Variants in RAB5B observed in about 807,000 individuals in gnomAD.
RAB5B encodes ras-related protein Rab-5B.
A neutral mutation model predicts 28.6 loss-of-function variants in RAB5B; 11 were observed. The observed-to-expected ratio is 0.38, with a 90% CI of 0.24 to 0.64. RAB5B has a LOEUF of 0.64. RAB5B is among the 30% of genes least tolerant of loss of function. The pLI, the probability that RAB5B is intolerant of heterozygous loss-of-function variation, is 0.53. For synonymous variants in RAB5B, 93 were observed against 97.9 expected, an observed-to-expected ratio of 0.95 and a Z score of 0.29; for missense variants, 169 against 265.6, an observed-to-expected ratio of 0.64 and a Z score of 2.53.
Position 55,986,892 on chromosome 12 carries a change from C to CT in RAB5B, c.-68dup. 2.6e-5 allele frequency: 14 copies of CT among 546,280 alleles called. No homozygotes were observed. Among genetic ancestry groups the CT allele is most frequent in the South Asian group, 6.3e-5 (4 of 63,322 alleles). The allele number at this position is 546,280 out of a possible 1,614,324, so 33.8% of individuals were successfully genotyped here. On this transcript the variant is annotated 5_prime_UTR_variant, in exon 2 of 6. Transcript: ENST00000360299. ...AGGAGTGTTGAAGCCTGGAAATCCCCTCCCCTTCCCCCTCCCCCCTTTACA... is the reference window on the plus strand; with the variant it reads ...AGGAGTGTTGAAGCCTGGAAATCCCCTTCCCCTTCCCCCTCCCCCCTTTACA...
intron 1 of RAB5B, among the ~76,000 whole-genome samples, chr12:55,985,284 C>T (rs1351441129): frequency 6.6e-6 from 1 of 152,068 alleles, no homozygotes; most frequent in Non-Finnish European, 1.5e-5. Context: ...AAATTTTTAA[C>T]CCCAGTTTAA....
At chr12:55,980,682 A>G in intron 1 of RAB5B, 1 of 1,589,768 alleles carries the variant, frequency 6.3e-7, no homozygotes, top group Non-Finnish European at 8.6e-7. Context: ...TTCCCTAGCA[A>G]GAGGTGCTCC....
chr12:55,980,421 C>T, intron 1 of RAB5B: 1 of 1,574,570 alleles, frequency 6.4e-7, no homozygotes, highest in Admixed American at 1.7e-5. Context: ...AGAAAGGGTC[C>T]TCAGCTCAGG....
At chr12:55,987,316 G>A (rs1366664530) in intron 2 of RAB5B, among the ~76,000 whole-genome samples, 193 bp downstream of exon 2, 1 of 151,746 alleles carries the variant, frequency 6.6e-6, no homozygotes, top group Non-Finnish European at 1.5e-5. Flanking sequence ...GCACACCGTG[G>A]CACCTGTCTA....
chr12:55,977,322 A>G (rs1889674677), intron 1 of RAB5B, among the ~76,000 whole-genome samples: 1 of 152,026 alleles, frequency 6.6e-6, no homozygotes, highest in South Asian at 2.1e-4. Flanking sequence ...AATTTTTCCA[A>G]CAGTTTTTTG....
intron 1 of RAB5B, among the ~76,000 whole-genome samples, chr12:55,984,179 C>T (rs552091908): frequency 7.1e-4 from 107 of 151,592 alleles, no homozygotes; most frequent in Admixed American, 1.9e-3. Flanking sequence ...CAACCACACC[C>T]GGCTAATTTT....
Position 55,990,904 on chromosome 12 carries a change from C to G in RAB5B, c.438+100C>G, listed in dbSNP as rs567098580. On this transcript the variant is annotated intron_variant, in intron 4 of 5. Transcript: ENST00000360299. Reference sequence around the variant, plus strand: ...TCTGAAAACGTCAACAGAGGACATTCATTGTCTCATTCCCCAGTTCTACAC... The same window carrying G: ...TCTGAAAACGTCAACAGAGGACATTGATTGTCTCATTCCCCAGTTCTACAC... The G allele has an allele frequency of 7.8e-6, 11 of 1,402,228 alleles. No homozygotes were observed. In the South Asian group the frequency reaches 1.0e-4, roughly 13 times the overall value. 86.9% of individuals were successfully genotyped at this position (1,402,228 alleles called of 1,614,324 possible).
intron 1 of RAB5B, among the ~76,000 whole-genome samples, chr12:55,978,055 C>A (rs1011743882): frequency 1.3e-5 from 2 of 152,160 alleles, no homozygotes; most frequent in African/African-American, 4.8e-5. Flanking sequence ...GTGATTAGGC[C>A]ATCTGAGGCA....
Position 55,992,701 on chromosome 12 carries a change from T to A in RAB5B, c.*489T>A. On this transcript the variant is annotated 3_prime_UTR_variant, in exon 6 of 6. Coordinates refer to ENST00000360299, the MANE Select transcript of RAB5B (RefSeq NM_002868.4). Reference sequence around the variant, plus strand: ...TCCAGTTCATTTACATTAAGGGCCCTGGGGGAGAATAAAGCTCAGAGCAGG... The same window carrying A: ...TCCAGTTCATTTACATTAAGGGCCCAGGGGGAGAATAAAGCTCAGAGCAGG... 2.7e-6 allele frequency: 1 copy of A among 371,888 alleles called. No homozygotes were observed. The highest frequency in any genetic ancestry group is 5.1e-6 in the Non-Finnish European group (1 of 196,768). The allele number at this position is 371,888 out of a possible 1,614,324, so 23.0% of individuals were successfully genotyped here.
chr12:55,992,489 T>C lies in RAB5B; in HGVS notation c.*277T>C, dbSNP rs1195682172. 1.6e-6 allele frequency: 1 copy of C among 607,486 alleles called. No homozygotes were observed. Among genetic ancestry groups the C allele is most frequent in the Non-Finnish European group, 3.1e-6 (1 of 324,934 alleles). 37.6% of individuals were successfully genotyped at this position (607,486 alleles called of 1,614,324 possible). A position where few individuals can be genotyped will look rare whatever the true frequency, so the allele number is the denominator to read the frequency against. On this transcript the variant is annotated 3_prime_UTR_variant, in exon 6 of 6. Coordinates refer to ENST00000360299, the MANE Select transcript of RAB5B (RefSeq NM_002868.4). ...AACAAACTTTCTTCACTTTGTATTA[T>C]AGGTACAAGACAGCGACTTACGTAT... is the stretch of plus-strand genomic sequence containing the variant.
At chr12:55,987,484 A>G (rs971498907) in intron 2 of RAB5B, among the ~76,000 whole-genome samples, 17 of 151,848 alleles carry the variant, frequency 1.1e-4, no homozygotes, top group Admixed American at 8.5e-4. Context: ...TTGAAAAGAG[A>G]TATAAGACCT....
chr12:55,988,368 T>G (rs1239450471), intron 2 of RAB5B, among the ~76,000 whole-genome samples: 1 of 152,218 alleles, frequency 6.6e-6, no homozygotes, highest in African/African-American at 2.4e-5. Context: ...AGGCTGGAAC[T>G]AATGCAAAAT....
intron 4 of RAB5B, 56 bp from the exon 5 acceptor site, chr12:55,991,304 G>A: frequency 7.4e-7 from 1 of 1,353,876 alleles, no homozygotes; most frequent in Admixed American, 1.7e-5. Context: ...GGAGTGGAAA[G>A]GCAATACTCG....
At chr12:55,981,708 C>T (rs1889812641) in intron 1 of RAB5B, among the ~76,000 whole-genome samples, 1 of 152,028 alleles carries the variant, frequency 6.6e-6, no homozygotes, top group Admixed American at 6.6e-5. Context: ...GAACATCCTC[C>T]ATGGGTCTCC....
chr12:55,984,117 G>A (rs1889886242), intron 1 of RAB5B, among the ~76,000 whole-genome samples: 1 of 151,732 alleles, frequency 6.6e-6, no homozygotes, highest in Non-Finnish European at 1.5e-5. Context: ...CGCCTCCCGG[G>A]TTTAAGCAGT....
At position 55,989,885 on chromosome 12, in the gene RAB5B, G is replaced by T. The variant is rs1021212918; in HGVS notation, c.164-62G>T. The stretch of plus-strand genomic sequence containing the variant: ...AGGGCAGTTACATTTTGAAGGGGGG[G>T]AGGGATGTTCCCATTCATCCTCCCA... On this transcript the variant is annotated intron_variant, in intron 2 of 5. Transcript: ENST00000360299. 11 of 1,537,904 alleles carry T rather than the reference G, an allele frequency of 7.2e-6. No homozygotes were observed. In the African/African-American group the frequency reaches 9.6e-5, roughly 13 times the overall value.
At position 55,991,410 on chromosome 12, in the gene RAB5B, A is replaced by C. The variant is rs2292240; in HGVS notation, c.489A>C (p.Ser163=). Reference sequence around the variant, plus strand: ...ACAGCTTATTGTTCATGGAGACTTCAGCCAAGACAGCTATGAACGTGAATG... The same window carrying C: ...ACAGCTTATTGTTCATGGAGACTTCCGCCAAGACAGCTATGAACGTGAATG... ...DDNSLLFMET[S]AKTAMNVNDL... The change falls in exon 5 of 6, where the codon TCA becomes TCC. Residue 163 remains serine (S), a synonymous_variant. Coordinates refer to ENST00000360299, the MANE Select transcript of RAB5B (RefSeq NM_002868.4). 8.7e-6 allele frequency: 14 copies of C among 1,614,148 alleles called. No individual in the cohort carries two copies. The East Asian group carries it at 2.9e-4, about 33-fold the overall frequency.
At chr12:55,980,062 C>A (rs1303620578) in intron 1 of RAB5B, among the ~76,000 whole-genome samples, 1 of 151,990 alleles carries the variant, frequency 6.6e-6, no homozygotes, top group East Asian at 1.9e-4. Context: ...CCGAGCTAGC[C>A]CTTTGCAGGA....
intron 1 of RAB5B, among the ~76,000 whole-genome samples, chr12:55,975,398 T>A (rs1049026580): frequency 6.6e-6 from 1 of 152,184 alleles, no homozygotes; most frequent in African/African-American, 2.4e-5. Context: ...AAGCCCAGAT[T>A]TCTGTGCTGT....
Sources: gnomAD v4.1 joint callset for allele counts (sites outside exome capture counted in the v4.1 genomes callset) on GRCh38, gnomAD v4.1.1 for gene constraint, MANE v1.5 for transcripts, NCBI Gene and HGNC (gene_info 2026-07-23, HGNC 2026-07-21) for gene names.